Variants in LRRC37B observed in about 807,000 individuals in gnomAD.
LRRC37B encodes the protein leucine rich repeat containing 37B, also known as leucine-rich repeat-containing protein 37B.
Under a neutral mutation model 98.3 loss-of-function variants are expected in LRRC37B, and 28 were observed. The ratio of observed to expected loss-of-function variants is 0.28; its 90% confidence interval spans 0.21 to 0.39. The LOEUF is 0.39. Among genes scored for constraint, LRRC37B ranks in the 10% least tolerant of loss-of-function variants. The pLI is 1.00. For synonymous variants in LRRC37B, 364 were observed against 442.7 expected (o/e 0.82, Z 2.23); for missense variants, 938 against 1,182.7 (o/e 0.79, Z 3.03).
chr17:32,021,709 C>T (rs267604799), exon 1 of LRRC37B: 163 of 1,614,120 alleles, frequency 1.0e-4, no homozygotes, highest in Non-Finnish European at 1.3e-4. Context: ...TTTGTTGTTT[C>T]GCCCAAGAAC....
chr17:32,027,390 T>G (rs534589921), intron 2 of LRRC37B, among the ~76,000 whole-genome samples: 2 of 150,758 alleles, frequency 1.3e-5, no homozygotes, highest in Admixed American at 1.3e-4. Context: ...TGTGTGTGCT[T>G]GCATGTGTGT....
intron 7 of LRRC37B, among the ~76,000 whole-genome samples, chr17:32,043,431 C>T (rs1255415821): frequency 1.3e-5 from 2 of 151,944 alleles, no homozygotes; most frequent in Admixed American, 6.6e-5. Flanking sequence ...TGTGGTGGCA[C>T]GCACCTGTAG....
chr17:32,027,410 C>T (rs913526516), intron 2 of LRRC37B, among the ~76,000 whole-genome samples: 2 of 129,598 alleles, frequency 1.5e-5, no homozygotes, highest in African/African-American at 3.0e-5. Context: ...TGTGTGCTTG[C>T]AAGTGTGTGT....
At chr17:32,036,968 T>A (rs1196101972) in intron 7 of LRRC37B, among the ~76,000 whole-genome samples, 1 of 145,998 alleles carries the variant, frequency 6.8e-6, no homozygotes, top group Non-Finnish European at 1.5e-5. Flanking sequence ...TTGTTCCACA[T>A]CTTCAGCATT....
At chr17:32,025,030 G>GT (rs772444987) in intron 2 of LRRC37B, among the ~76,000 whole-genome samples, 11,569 of 69,786 alleles carry the variant, frequency 0.17, 2,739 homozygotes, top group Middle Eastern at 0.18. Context: ...TTTTTTCCTC[G>GT]TTTTTTTTTT....
At chr17:32,033,161 C>T (rs887111868) in intron 5 of LRRC37B, among the ~76,000 whole-genome samples, 2 of 152,088 alleles carry the variant, frequency 1.3e-5, no homozygotes, top group African/African-American at 4.8e-5. Context: ...AAGGCTCCAA[C>T]AGAGATGGGG....
intron 1 of LRRC37B, among the ~76,000 whole-genome samples, chr17:32,015,386 T>C (rs1264768355): frequency 1.3e-5 from 2 of 152,252 alleles, no homozygotes; most frequent in African/African-American, 4.8e-5. Flanking sequence ...GGTTTATAGA[T>C]GTGTAATAGC....
chr17:32,029,239 C>T (rs1025011833), intron 3 of LRRC37B, among the ~76,000 whole-genome samples: 7 of 152,132 alleles, frequency 4.6e-5, no homozygotes, highest in African/African-American at 1.4e-4. Context: ...ACCTTGTAAT[C>T]CACCCGCCTC....
chr17:32,007,642 C>T (rs544987121), upstream of LRRC37B, among the ~76,000 whole-genome samples: 245 of 151,452 alleles, frequency 1.6e-3, 2 homozygotes, highest in Non-Finnish European at 2.3e-3. This position sits in a 1 kb window ranked among gnomAD's most constrained non-coding sequence, Gnocchi z 4.1. Context: ...CCAAGCAGCC[C>T]GCGGCTCCCG....
At chr17:32,008,284 G>A (rs1567845540) in intron 1 of LRRC37B, among the ~76,000 whole-genome samples, 152 bp downstream of exon 1, 1 of 152,118 alleles carries the variant, frequency 6.6e-6, no homozygotes, top group African/African-American at 2.4e-5. Flanking sequence ...ACATCAAGTG[G>A]CAAAAAACTA....
chr17:32,044,452 C>T (rs1306261062), intron 7 of LRRC37B, among the ~76,000 whole-genome samples: 1 of 152,170 alleles, frequency 6.6e-6, no homozygotes. Context: ...TTCTCTGTTT[C>T]CACATGAGAT....
At chr17:32,011,744 G>C (rs1006208619) in intron 1 of LRRC37B, among the ~76,000 whole-genome samples, 1 of 152,154 alleles carries the variant, frequency 6.6e-6, no homozygotes, top group Non-Finnish European at 1.5e-5. Context: ...TGTTTCACCT[G>C]CCTCGGCCTC....
chr17:32,025,990 CTT>C (rs1321052579), intron 2 of LRRC37B, among the ~76,000 whole-genome samples: 1 of 152,138 alleles, frequency 6.6e-6, no homozygotes, highest in Non-Finnish European at 1.5e-5. Context: ...AATTAAATAT[CTT>C]TATATGTTTA....
intron 7 of LRRC37B, chr17:32,040,895 C>G: frequency 1.1e-6 from 1 of 921,354 alleles, no homozygotes. Context: ...TCCAGCACCA[C>G]CTGCAGAAGC....
upstream of LRRC37B, chr17:32,007,796 G>T (rs1910443442): frequency 1.7e-6 from 2 of 1,186,596 alleles, no homozygotes; most frequent in Admixed American, 4.5e-5. This position sits in a 1 kb window ranked among gnomAD's most constrained non-coding sequence, Gnocchi z 4.1. Context: ...GGCTGAGCTC[G>T]CCCAGGGTGG....
chr17:32,027,508 T>G (rs1911001130), intron 2 of LRRC37B, among the ~76,000 whole-genome samples: 2 of 150,852 alleles, frequency 1.3e-5, no homozygotes, highest in South Asian at 4.2e-4. Flanking sequence ...TGTGTGTGTG[T>G]GCTTGCCTGT....
intron 1 of LRRC37B, among the ~76,000 whole-genome samples, chr17:32,013,606 C>A (rs996705794): frequency 6.6e-6 from 1 of 151,980 alleles, no homozygotes; most frequent in Admixed American, 6.6e-5. Context: ...AAATATACAC[C>A]TAACCTACCT....
chr17:32,047,446 A>G (rs1302231065), intron 8 of LRRC37B: 1 of 397,840 alleles, frequency 2.5e-6, no homozygotes, highest in Non-Finnish European at 4.8e-6. Flanking sequence ...TCAGCTCATC[A>G]GGGAAGCACT....
intron 6 of LRRC37B, 33 bp downstream of exon 9, chr17:32,035,014 A>AG: frequency 3.6e-6 from 5 of 1,383,096 alleles, no homozygotes; most frequent in Non-Finnish European, 4.0e-6. Flanking sequence ...GAGTCATGAG[A>AG]TGATTTATGC....
Sources: allele counts gnomAD v4.1 joint callset (sites outside exome capture counted in the v4.1 genomes callset), GRCh38; gene constraint gnomAD v4.1.1; non-coding constraint Gnocchi (gnomAD v3.1); transcripts MANE v1.5; gene names NCBI Gene and HGNC (gene_info 2026-07-23, HGNC 2026-07-21).